The following CD2AP variants were observed in gnomAD, a reference collection of about 807,000 sequenced individuals.
CD2AP encodes the protein CD2 associated protein, also known as CD2-associated protein.
In CD2AP, 46 loss-of-function variants were observed where a neutral mutation model predicts 85.1. The ratio of observed to expected loss-of-function variants is 0.54; its 90% CI spans 0.43 to 0.69. CD2AP has a LOEUF of 0.69. Among genes scored for constraint, CD2AP ranks in the 30% least tolerant of loss-of-function variants. The pLI is 0.00. For synonymous variants in CD2AP, 255 were observed against 252.9 expected, an observed-to-expected ratio of 1.01 and a Z score of -0.08; for missense variants, 769 against 729.5, an observed-to-expected ratio of 1.05 and a Z score of -0.62.
intron 1 of CD2AP, among the ~76,000 whole-genome samples, chr6:47,494,294 G>A (rs1765801700): frequency 6.6e-6 from 1 of 152,102 alleles, no homozygotes. Flanking sequence ...TGTCTTCCTT[G>A]CTTTCTTTGG....
intron 2 of CD2AP, among the ~76,000 whole-genome samples, chr6:47,512,125 T>G (rs1326011269): frequency 1.3e-5 from 2 of 151,702 alleles, no homozygotes; most frequent in African/African-American, 4.8e-5. Flanking sequence ...GCCACTGCAC[T>G]CCAGCCTGGG....
rs1768660932 is a variant in CD2AP, at chr6:47,587,410, G to A, written c.1108+5345G>A. Among the ~76,000 whole-genome samples the A allele has an allele frequency of 2.7e-5, 4 of 146,196 alleles. No individual in the cohort carries two copies. The South Asian group carries it at 8.6e-4, about 32-fold the overall frequency. On this transcript the variant is annotated intron_variant, in intron 11 of 17. Transcript: ENST00000359314. The stretch of plus-strand genomic sequence containing the variant: ...TATTTCATGGGATATTTTCTCAAAT[G>A]TTTAGATAGGTGATTAAACTCTCAC...
At chr6:47,535,154 C>T (rs909000787) in intron 3 of CD2AP, among the ~76,000 whole-genome samples, 2 of 152,096 alleles carry the variant, frequency 1.3e-5, no homozygotes, top group African/African-American at 4.8e-5. Context: ...TGCCTAGTGT[C>T]CCATTATTGG....
At chr6:47,604,943 A>G (rs944304469) in intron 13 of CD2AP, among the ~76,000 whole-genome samples, 2 of 152,048 alleles carry the variant, frequency 1.3e-5, no homozygotes, top group African/African-American at 2.4e-5. Flanking sequence ...TATAAAATGC[A>G]TATTACCGAA....
intron 16 of CD2AP, chr6:47,609,641 G>A (rs796626610): frequency 3.9e-5 from 9 of 229,490 alleles, no homozygotes; most frequent in African/African-American, 2.1e-4. Context: ...CAAGGCTGCA[G>A]TGAGCCGTGA....
chr6:47,488,168 T>G (rs554678395), intron 1 of CD2AP, among the ~76,000 whole-genome samples: 13 of 151,840 alleles, frequency 8.6e-5, no homozygotes, highest in Non-Finnish European at 1.9e-4. Flanking sequence ...ACCTACTCCG[T>G]GTGTATAAAT....
rs920799055 is a variant in CD2AP, at chr6:47,549,646, T to C, written c.420+4940T>C. ...AAAATGACCATACTGCTAAAAGCAATCTACAGATTCAACAGAATTCCTATA... is the reference window on the plus strand; with the variant it reads ...AAAATGACCATACTGCTAAAAGCAACCTACAGATTCAACAGAATTCCTATA... On this transcript the variant is annotated intron_variant, in intron 4 of 17. Transcript: ENST00000359314. Among the ~76,000 whole-genome samples the C allele has an allele frequency of 2.6e-5, 4 of 152,076 alleles. No homozygotes were observed. The South Asian group carries it at 8.3e-4, about 32-fold the overall frequency.
At chr6:47,572,258 G>A (rs1241078030) in intron 5 of CD2AP, among the ~76,000 whole-genome samples, 2 of 152,208 alleles carry the variant, frequency 1.3e-5, no homozygotes, top group Admixed American at 6.5e-5. Flanking sequence ...AGTGACTCAT[G>A]CCTGCGCCCG....
chr6:47,605,360 T>C (rs1451454057), intron 13 of CD2AP, among the ~76,000 whole-genome samples: 1 of 152,018 alleles, frequency 6.6e-6, no homozygotes, highest in Non-Finnish European at 1.5e-5. Flanking sequence ...AGCAAGACTT[T>C]CTGAATCATC....
chr6:47,603,750 T>C (rs971477895), intron 13 of CD2AP, among the ~76,000 whole-genome samples: 10 of 152,098 alleles, frequency 6.6e-5, no homozygotes, highest in Admixed American at 6.6e-4. Context: ...CCTTGACTTT[T>C]CTTTCCAGAT....
chr6:47,515,413 T>C (rs1766427714), intron 2 of CD2AP, among the ~76,000 whole-genome samples: 1 of 152,252 alleles, frequency 6.6e-6, no homozygotes, highest in Admixed American at 6.5e-5. Context: ...GATAATAGGC[T>C]AATAACACTT....
In CD2AP at chr6:47,549,563, C is replaced by T. The variant is rs190022108; in HGVS notation, c.420+4857C>T. On this transcript the variant is annotated intron_variant, in intron 4 of 17. Transcript: ENST00000359314. ...ACAAAAACCTGCTGAAAGAAATAGA[C>T]GACAAAAACAAATGGAAACACATCT... Among the ~76,000 whole-genome samples, 451 of 151,024 alleles carry T rather than the reference C, an allele frequency of 3.0e-3. 1 individual carries two copies. Among genetic ancestry groups the T allele is most frequent in the Non-Finnish European group, 4.5e-3 (303 of 67,718 alleles).
In CD2AP at chr6:47,577,099, G is replaced by T; in HGVS notation, c.899G>T (p.Ser300Ile). Residue 300 changes from serine to isoleucine, a missense_variant, in exon 8 of 18, where the codon AGT becomes ATT. Physicochemically the swap from Ser to Ile is moderately radical, Grantham distance 142. Coordinates refer to ENST00000359314, the MANE Select transcript of CD2AP (RefSeq NM_012120.3). ...GAGGGGGAGATAATCCATTTGATAA[G>T]TAAGGTAAGGTGTTTCTGTTTTTCA... ...FKEGEIIHLI[S>I]KETGEAGWWR... The T allele has an allele frequency of 6.8e-7, 1 of 1,467,268 alleles. No homozygotes were observed. The allele number at this position is 1,467,268 out of a possible 1,614,324, so 90.9% of individuals were successfully genotyped here. A position where few individuals can be genotyped will look rare whatever the true frequency, so the allele number is the denominator to read the frequency against.
In CD2AP at chr6:47,624,597, G is replaced by A. The variant is rs1488545766; in HGVS notation, c.*370G>A. 4.8e-6 allele frequency: 1 copy of A among 208,616 alleles called. No homozygotes were observed. The highest frequency in any genetic ancestry group is 2.4e-5 in the African/African-American group (1 of 41,828). 12.9% of individuals were successfully genotyped at this position (208,616 alleles called of 1,614,324 possible). ...GATATATTTACAAGTAATCTGTTAA[G>A]ATATACTATTTGAGAGGGACAGATT... On this transcript the variant is annotated 3_prime_UTR_variant, in exon 18 of 18. Transcript: ENST00000359314.
intron 11 of CD2AP, among the ~76,000 whole-genome samples, chr6:47,594,987 ATTAT>A (rs1186166134): frequency 2.6e-5 from 4 of 151,964 alleles, no homozygotes; most frequent in Non-Finnish European, 4.4e-5. Context: ...AATTTTGAAA[ATTAT>A]TCAGTATGGT....
intron 13 of CD2AP, 101 bp downstream of exon 13, chr6:47,599,544 A>G: frequency 2.8e-6 from 3 of 1,055,116 alleles, no homozygotes; most frequent in Non-Finnish European, 4.2e-6. Flanking sequence ...ATAAAGTTGG[A>G]TAAAGTTGAA....
At chr6:47,586,890 T>G (rs1768644721) in intron 11 of CD2AP, among the ~76,000 whole-genome samples, 1 of 152,176 alleles carries the variant, frequency 6.6e-6, no homozygotes, top group Non-Finnish European at 1.5e-5. Context: ...ATGAGAATTT[T>G]TTTGTATATA....
At chr6:47,522,519 AC>A (rs1393235888) in intron 2 of CD2AP, among the ~76,000 whole-genome samples, 1 of 152,212 alleles carries the variant, frequency 6.6e-6, no homozygotes, top group African/African-American at 2.4e-5. Flanking sequence ...GCTGTTACTT[AC>A]ATTTTTAAAT....
intron 2 of CD2AP, among the ~76,000 whole-genome samples, chr6:47,505,595 G>C (rs1451203625): frequency 7.5e-6 from 1 of 134,118 alleles, no homozygotes; most frequent in African/African-American, 2.7e-5. Flanking sequence ...TCACCTCCCG[G>C]ACGGGGCGGC....
Sources: allele counts gnomAD v4.1 joint callset (sites outside exome capture counted in the v4.1 genomes callset), GRCh38; gene constraint gnomAD v4.1.1; transcripts MANE v1.5; gene names NCBI Gene and HGNC (gene_info 2026-07-23, HGNC 2026-07-21).